The following SASH1 variants were observed in gnomAD, a reference collection of about 807,000 sequenced individuals.
SASH1 encodes SAM and SH3 domain-containing protein 1.
Under a neutral mutation model 125.2 loss-of-function variants are expected in SASH1, and 44 were observed. The observed-to-expected ratio is 0.35, with a 90% CI of 0.28 to 0.45. The LOEUF (loss-of-function observed/expected upper bound fraction) is 0.45, where lower values mean the gene tolerates loss of function less well. Among genes scored for constraint, SASH1 ranks in the 20% least tolerant of loss-of-function variants. The probability of loss-of-function intolerance (pLI) is 1.00; values close to 1 mark genes in which losing one functional copy is unlikely to be tolerated. For synonymous variants in SASH1, 639 were observed against 649.1 expected, an observed-to-expected ratio of 0.98 and a Z score of 0.24; for missense variants, 1,426 against 1,614.5, an observed-to-expected ratio of 0.88 and a Z score of 2.00.
intron 7 of SASH1, chr6:148,478,886 C>T: frequency 5.7e-6 from 1 of 176,650 alleles, no homozygotes; most frequent in East Asian, 1.6e-4. Flanking sequence ...TTTTCTCTCC[C>T]ATTACATTCC....
Position 148,298,004 on chromosome 6 carries a change from T to TTA in SASH1, n.74+25637_74+25638dup, listed in dbSNP as rs200320710. ...TTATTGATTTGCAACTAATTGATTA[T>TTA]TATATATATATTTTTTTTTTGAGAT... On this transcript the variant is annotated intron_variant and non_coding_transcript_variant, in intron 1 of 3. Transcript: ENST00000367469. Among the ~76,000 whole-genome samples, 13 of 150,516 alleles carry TTA rather than the reference T, an allele frequency of 8.6e-5. No individual in the cohort carries two copies. The South Asian group carries it at 1.1e-3, about 12-fold the overall frequency.
chr6:148,491,463 T>A (rs942938554), intron 8 of SASH1, among the ~76,000 whole-genome samples: 1 of 152,050 alleles, frequency 6.6e-6, no homozygotes, highest in African/African-American at 2.4e-5. Flanking sequence ...AGAGATGGGG[T>A]TTCACCATGT....
At chr6:148,512,076 T>A (rs1409104961) in intron 8 of SASH1, among the ~76,000 whole-genome samples, 1 of 152,122 alleles carries the variant, frequency 6.6e-6, no homozygotes, top group African/African-American at 2.4e-5. Flanking sequence ...TGGAGTGCAG[T>A]GGCACGATCC....
At position 148,519,895 on chromosome 6, in the gene SASH1, T is replaced by C; in HGVS notation, c.1209+2T>C. On this transcript the variant is annotated splice_donor_variant, in intron 10 of 19. Coordinates refer to ENST00000367467, the MANE Select transcript of SASH1 (RefSeq NM_015278.5). LOFTEE classifies it high-confidence loss of function. The surrounding 1 kb of genome is among the most constrained non-coding windows in gnomAD (Gnocchi z 4.8). The stretch of plus-strand genomic sequence containing the variant: ...GGTCTCGGGTCCCTAAGCCACGGGG[T>C]AAGTACGGATGGTGTTTGCTTCTAT... The C allele has an allele frequency of 6.5e-7, 1 of 1,548,426 alleles. No individual in the cohort carries two copies. Among genetic ancestry groups the C allele is most frequent in the Non-Finnish European group, 8.7e-7 (1 of 1,148,974 alleles).
At chr6:148,239,551 C>G in the SASH1 span, among the ~76,000 whole-genome samples, 1 of 152,204 alleles carries the variant, frequency 6.6e-6, no homozygotes, top group Non-Finnish European at 1.5e-5. Context: ...AGGCACCAGA[C>G]ATGTTGAATT....
intron 1 of SASH1, among the ~76,000 whole-genome samples, chr6:148,313,430 T>C (rs1274646187): frequency 6.6e-6 from 1 of 152,190 alleles, no homozygotes; most frequent in East Asian, 1.9e-4. Context: ...CCATGTCCTG[T>C]GATTCCTGGG....
intron 17 of SASH1, among the ~76,000 whole-genome samples, chr6:148,542,547 C>T (rs557869773): frequency 2.6e-5 from 4 of 152,196 alleles, no homozygotes; most frequent in African/African-American, 9.6e-5. Flanking sequence ...CCACCATGCC[C>T]GGCTAATTTT....
rs774633309 is a variant in SASH1, at chr6:148,529,797, G to GTTTTT, written c.1429-1723_1429-1719dup. ...AAATAATGGAAGGTTTTATGTGGTT[G>GTTTTT]TTTTTTTTTTGTTTTTGTTTTTGTT... On this transcript the variant is annotated intron_variant, in intron 12 of 19. Transcript: ENST00000367467. The surrounding 1 kb of genome is among the most constrained non-coding windows in gnomAD (Gnocchi z 4.2). Among the ~76,000 whole-genome samples the GTTTTT allele has an allele frequency of 1.4e-5, 2 of 145,600 alleles. No homozygotes were observed. The highest frequency in any genetic ancestry group is 6.8e-5 in the Admixed American group (1 of 14,690).
intron 2 of SASH1, chr6:148,393,780 A>C (rs1783830635): frequency 1.0e-6 from 1 of 955,082 alleles, no homozygotes; most frequent in African/African-American, 1.8e-5. Flanking sequence ...GTGGTGAGTA[A>C]AATTGATGGG....
the SASH1 span, among the ~76,000 whole-genome samples, chr6:148,195,321 A>T: frequency 6.6e-6 from 1 of 152,252 alleles, no homozygotes; most frequent in African/African-American, 2.4e-5. Context: ...CTGATGTAGC[A>T]GCAGGCTCTG....
chr6:148,249,214 T>C, the SASH1 span, among the ~76,000 whole-genome samples: 197 of 152,280 alleles, frequency 1.3e-3, no homozygotes, highest in Middle Eastern at 6.8e-3. Flanking sequence ...CCTAGAGCAG[T>C]GGATGACAAT....
At position 148,525,363 on chromosome 6, in the gene SASH1, A is replaced by G; in HGVS notation, c.1282A>G (p.Met428Val). Residue 428 changes from methionine (M) to valine (V), a missense_variant and splice_region_variant, in exon 11 of 20, where the codon ATG becomes GTG. Met to Val is a conservative substitution (Grantham distance 21). Coordinates refer to ENST00000367467, the MANE Select transcript of SASH1 (RefSeq NM_015278.5). Reference sequence around the variant, plus strand: ...CGTTGGCAGTAATAATTCTGACCCAATGGTGAGTAACATCAGAGGAAAGCA... The same window carrying G: ...CGTTGGCAGTAATAATTCTGACCCAGTGGTGAGTAACATCAGAGGAAAGCA... ...LHVGSNNSDPMGKEGDFVYKE... is the reference protein window; with the variant it reads ...LHVGSNNSDPVGKEGDFVYKE... The G allele has an allele frequency of 5.0e-6, 8 of 1,612,652 alleles. No homozygotes were observed. The highest frequency in any genetic ancestry group is 5.1e-6 in the Non-Finnish European group (6 of 1,178,650).
the SASH1 span, among the ~76,000 whole-genome samples, chr6:148,204,074 C>A: frequency 6.6e-6 from 1 of 152,160 alleles, no homozygotes; most frequent in African/African-American, 2.4e-5. Context: ...ACTGCTGAAC[C>A]ACATTCATTA....
intron 3 of SASH1, 26 bp from the exon 4 acceptor site, chr6:148,440,332 C>T (rs770334999): frequency 5.0e-6 from 8 of 1,613,194 alleles, no homozygotes; most frequent in Non-Finnish European, 6.8e-6. Flanking sequence ...TCTGACCACA[C>T]TGACTATACG....
intron 1 of SASH1, among the ~76,000 whole-genome samples, chr6:148,358,600 G>GATA (rs1350791591): frequency 6.6e-6 from 1 of 152,024 alleles, no homozygotes; most frequent in Non-Finnish European, 1.5e-5. Context: ...TACAACTAGG[G>GATA]ATATGGCCAG....
At chr6:148,471,935 C>A (rs572993697) in intron 6 of SASH1, among the ~76,000 whole-genome samples, 4 of 152,156 alleles carry the variant, frequency 2.6e-5, no homozygotes, top group Non-Finnish European at 5.9e-5. Flanking sequence ...TGCAGCGGGA[C>A]GGTTATGGGG....
chr6:148,524,097 T>TTATATATATATA (rs371819726), intron 10 of SASH1, among the ~76,000 whole-genome samples: 14 of 79,534 alleles, frequency 1.8e-4, no homozygotes, highest in Non-Finnish European at 1.6e-4. Flanking sequence ...ATTCAGTTAA[T>TTATATATATATA]TATATATATA....
At position 148,533,813 on chromosome 6, in the gene SASH1, A is replaced by G. The variant is rs1159181879; in HGVS notation, c.1777A>G (p.Thr593Ala). 1.9e-6 allele frequency: 3 copies of G among 1,613,766 alleles called. No individual in the cohort carries two copies. The African/African-American group carries it at 4.0e-5, about 22-fold the overall frequency. Residue 593 changes from threonine to alanine, a missense_variant, in exon 15 of 20, where the codon ACC becomes GCC. This residue lies in a region of SASH1 where 225 missense variants were observed against 344.5 expected (regional missense o/e 0.65). Transcript: ENST00000367467. This position sits in a 1 kb window ranked among gnomAD's most constrained non-coding sequence, Gnocchi z 6.2. ...TATAATCAGCAAGCCACCCATGGGG[A>G]CCTGGATGGGCCTGCTGAACAACAA... is the stretch of plus-strand genomic sequence containing the variant. Reference protein sequence around the residue: ...IDIISKPPMGTWMGLLNNKVG... With the variant: ...IDIISKPPMGAWMGLLNNKVG...
chr6:148,537,776 C>CTCTGTGTGTG (rs1179993512), intron 16 of SASH1, among the ~76,000 whole-genome samples: 1 of 125,690 alleles, frequency 8.0e-6, no homozygotes, highest in South Asian at 3.3e-4. Flanking sequence ...TTAGCATATT[C>CTCTGTGTGTG]TGTGTGTGTG....
Sources: allele counts gnomAD v4.1 joint callset (sites outside exome capture counted in the v4.1 genomes callset), GRCh38; gene constraint gnomAD v4.1.1; regional missense constraint gnomAD v4.1.1; non-coding constraint Gnocchi (gnomAD v3.1); transcripts MANE v1.5; gene names NCBI Gene and HGNC (gene_info 2026-07-23, HGNC 2026-07-21).